Variants in ZNF257 observed in about 807,000 individuals in gnomAD.
ZNF257 encodes the protein bone marrow zinc finger 4.
A neutral mutation model predicts 11.9 loss-of-function variants in ZNF257; 12 were observed. The observed-to-expected ratio is 1.01, with a 90% confidence interval of 0.65 to 1.63. The LOEUF (loss-of-function observed/expected upper bound fraction) is 1.63. Among genes scored for constraint, ZNF257 ranks in the 40% most tolerant of loss-of-function variants. The pLI is 0.00. For missense variants in ZNF257, 580 were observed against 665.5 expected (o/e 0.87, Z 1.41); for synonymous variants, 183 against 222.7 (o/e 0.82, Z 1.59).
intron 1 of ZNF257, among the ~76,000 whole-genome samples, chr19:22,061,306 T>A (rs768673005): frequency 5.9e-5 from 9 of 152,184 alleles, no homozygotes; most frequent in Non-Finnish European, 1.3e-4. Flanking sequence ...TTAAGCAATG[T>A]TTTTTTGTTT....
rs542840536 is a variant in ZNF257 at position 22,089,495 on chromosome 19, T to A, written c.*53T>A. 3.2e-5 allele frequency: 50 copies of A among 1,558,410 alleles called. No homozygotes were observed. The East Asian group carries it at 1.1e-3, about 34-fold the overall frequency. On this transcript the variant is annotated 3_prime_UTR_variant, in exon 4 of 4. Coordinates refer to ENST00000594947, the MANE Select transcript of ZNF257 (RefSeq NM_033468.4). ...ATGTGTCAAAGCTTTTAACTGTTCC[T>A]CAATCCTTACTAAACATAAGGGAAT...
intron 3 of ZNF257, among the ~76,000 whole-genome samples, chr19:22,080,066 A>G (rs1435582511): frequency 1.3e-5 from 2 of 152,004 alleles, no homozygotes; most frequent in Non-Finnish European, 2.9e-5. Context: ...TGTCACCTCA[A>G]CCTCCTGGGC....
intron 3 of ZNF257, 130 bp from the exon 4 acceptor site, chr19:22,087,847 A>T (rs373831203): frequency 1.1e-6 from 1 of 892,240 alleles, no homozygotes; most frequent in African/African-American, 1.7e-5. Flanking sequence ...TTTTTGAATA[A>T]ATTAGAGCCT....
chr19:22,064,953 C>T (rs1163901736), intron 1 of ZNF257, among the ~76,000 whole-genome samples: 1 of 151,538 alleles, frequency 6.6e-6, no homozygotes, highest in African/African-American at 2.4e-5. Context: ...GTTCCGGAGG[C>T]TGAGGCAGGA....
chr19:22,081,119 C>CA (rs2022348877), intron 3 of ZNF257, among the ~76,000 whole-genome samples: 1 of 151,908 alleles, frequency 6.6e-6, no homozygotes, highest in Admixed American at 6.6e-5. Flanking sequence ...CCTCGTCATC[C>CA]ACCTGCCTCG....
Position 22,072,810 on chromosome 19 carries a change from G to C in ZNF257, c.5G>C (p.Gly2Ala). 6.2e-7 allele frequency: 1 copy of C among 1,609,512 alleles called. No homozygotes were observed. The highest frequency in any genetic ancestry group is 8.5e-7 in the Non-Finnish European group (1 of 1,178,166). Residue 2 changes from glycine (G) to alanine (A), a missense_variant and splice_region_variant, in exon 2 of 4, where the codon GGA becomes GCA. By Grantham distance (60) the Gly-to-Ala change is moderately conservative. Transcript: ENST00000594947. The part of the protein sequence containing the change: M[G>A]PLTIRDVTVE... ...TGTCTGTGTTTGTGTGTTTTTCAGG[G>C]ACCACTGACAATTAGGGATGTGACT...
chr19:22,088,773 G>T lies in ZNF257; in HGVS notation c.1023G>T (p.Glu341Asp). 1 of 1,612,446 alleles carries T rather than the reference G, an allele frequency of 6.2e-7. No individual in the cohort carries two copies. Among genetic ancestry groups the T allele is most frequent in the Non-Finnish European group, 8.5e-7 (1 of 1,179,654 alleles). The change falls in exon 4 of 4, where the codon GAG (glutamate) becomes GAT (aspartate). Residue 341 changes from glutamate (E) to aspartate (D), a missense_variant. By Grantham distance (45) the Glu-to-Asp change is conservative. Transcript: ENST00000594947. The stretch of plus-strand genomic sequence containing the variant: ...GACATAAGATGATTCATACTGGAGA[G>T]AAACCCTTCCAATGTGAAGAGTGTG... Reference protein sequence around the residue: ...LTRHKMIHTGEKPFQCEECGK... With the variant: ...LTRHKMIHTGDKPFQCEECGK...
At chr19:22,065,630 G>T (rs774547202) in intron 1 of ZNF257, among the ~76,000 whole-genome samples, 136 of 83,414 alleles carry the variant, frequency 1.6e-3, no homozygotes, top group Non-Finnish European at 2.6e-3. Context: ...AGTCTGAAAT[G>T]CTTATTTATC....
At chr19:22,067,276 T>G (rs1485602449) in intron 1 of ZNF257, among the ~76,000 whole-genome samples, 1 of 152,090 alleles carries the variant, frequency 6.6e-6, no homozygotes, top group Non-Finnish European at 1.5e-5. Flanking sequence ...TGAAACTGAT[T>G]CACAGAACAT....
intron 1 of ZNF257, among the ~76,000 whole-genome samples, chr19:22,059,643 CTTTT>C (rs58613357): frequency 7.3e-6 from 1 of 136,882 alleles, no homozygotes; most frequent in African/African-American, 2.7e-5. Context: ...TGTTTCTTTT[CTTTT>C]TTTTTTTTTT....
At chr19:22,063,952 T>G (rs2021872409) in intron 1 of ZNF257, 1 of 152,178 alleles carries the variant, frequency 6.6e-6, no homozygotes, top group Non-Finnish European at 1.5e-5. Context: ...TTCTGTGGGG[T>G]GTTGTAGTCT....
At chr19:22,052,657 T>C (rs1359996418) in intron 1 of ZNF257, 22 bp downstream of exon 1, 2 of 1,606,204 alleles carry the variant, frequency 1.2e-6, no homozygotes, top group Middle Eastern at 1.7e-4. Flanking sequence ...GGGTCCGACA[T>C]CCTGGGAGAG....
Position 22,052,584 on chromosome 19 carries a change from T to A in ZNF257, c.-49T>A, listed in dbSNP as rs1599655150. On this transcript the variant is annotated 5_prime_UTR_variant, in exon 1 of 4. Transcript: ENST00000594947. ...CCTCTGTGGCCCTGTGACCTGCAGG[T>A]ATTGGGAGATCCCCAGCTAAGACGC... is the stretch of plus-strand genomic sequence containing the variant. 1 of 1,597,786 alleles carries A rather than the reference T, an allele frequency of 6.3e-7. No individual in the cohort carries two copies.
chr19:22,086,695 T>C (rs924851040), intron 3 of ZNF257, among the ~76,000 whole-genome samples: 1 of 151,992 alleles, frequency 6.6e-6, no homozygotes, highest in Non-Finnish European at 1.5e-5. Context: ...TGATGATTAT[T>C]CTTTTCACCT....
Position 22,083,314 on chromosome 19 carries a change from A to G in ZNF257, c.227-4663A>G, listed in dbSNP as rs188727226. Among the ~76,000 whole-genome samples, 42 of 152,178 alleles carry G rather than the reference A, an allele frequency of 2.8e-4. No homozygotes were observed. In the East Asian group the frequency reaches 7.9e-3, roughly 29 times the overall value. ...GTGAAACCCCGTCTCTACTGAAAAT[A>G]CAAAAAAATTAGCCAGGCATGGTGG... On this transcript the variant is annotated intron_variant, in intron 3 of 3. Transcript: ENST00000594947.
intron 1 of ZNF257, among the ~76,000 whole-genome samples, chr19:22,071,037 G>A (rs1433414078): frequency 2.0e-5 from 3 of 152,024 alleles, no homozygotes; most frequent in East Asian, 1.9e-4. Context: ...TAAGTACCTC[G>A]TATAATTCCA....
chr19:22,072,808 G>T lies in ZNF257; in HGVS notation c.4-1G>T. 1 of 1,609,164 alleles carries T rather than the reference G, an allele frequency of 6.2e-7. No homozygotes were observed. The highest frequency in any genetic ancestry group is 1.1e-5 in the South Asian group (1 of 90,526). ...TGTGTCTGTGTTTGTGTGTTTTTCA[G>T]GGACCACTGACAATTAGGGATGTGA... On this transcript the variant is annotated splice_acceptor_variant, in intron 1 of 3. Coordinates refer to ENST00000594947, the MANE Select transcript of ZNF257 (RefSeq NM_033468.4). LOFTEE classifies it high-confidence loss of function.
intron 1 of ZNF257, among the ~76,000 whole-genome samples, chr19:22,059,419 T>G (rs2359833): frequency 0.24 from 35,967 of 151,808 alleles, 5,774 homozygotes; most frequent in African/African-American, 0.46. Context: ...TTTTTGAGAC[T>G]CTGGGATTAC....
At chr19:22,068,856 A>C (rs2022027683) in intron 1 of ZNF257, among the ~76,000 whole-genome samples, 1 of 152,144 alleles carries the variant, frequency 6.6e-6, no homozygotes, top group Non-Finnish European at 1.5e-5. Context: ...AATCAGCCTA[A>C]ATCTCTTCTG....
Sources: gnomAD v4.1 joint callset for allele counts (sites outside exome capture counted in the v4.1 genomes callset) on GRCh38, gnomAD v4.1.1 for gene constraint, MANE v1.5 for transcripts, NCBI Gene and HGNC (gene_info 2026-07-23, HGNC 2026-07-21) for gene names.